Variants in LYPD6 observed in about 807,000 individuals in gnomAD.
LYPD6 encodes ly6/PLAUR domain-containing protein 6.
LYPD6 carries 15 observed loss-of-function variants against 22.7 expected under a neutral mutation model. The observed-to-expected ratio is 0.66, with a 90% CI of 0.44 to 1.02. The LOEUF is 1.02. LYPD6 is among the 50% of genes least tolerant of loss of function. LYPD6 has a pLI of 0.00. For synonymous variants in LYPD6, 72 were observed against 77.5 expected, an observed-to-expected ratio of 0.93 and a Z score of 0.37; for missense variants, 189 against 208.4, an observed-to-expected ratio of 0.91 and a Z score of 0.57.
intron 1 of LYPD6, among the ~76,000 whole-genome samples, chr2:149,418,501 T>C (rs920811870): frequency 6.6e-6 from 1 of 152,218 alleles, no homozygotes; most frequent in African/African-American, 2.4e-5. Flanking sequence ...TTTTGATCTG[T>C]ATTGATAAGA....
chr2:149,432,777 G>A (rs1683346095), intron 1 of LYPD6, among the ~76,000 whole-genome samples: 1 of 152,132 alleles, frequency 6.6e-6, no homozygotes, highest in Non-Finnish European at 1.5e-5. Flanking sequence ...GACACCAGGG[G>A]AGGGCATGGT....
chr2:149,364,856 C>G (rs1559125452), intron 1 of LYPD6, among the ~76,000 whole-genome samples: 1 of 152,150 alleles, frequency 6.6e-6, no homozygotes, highest in Non-Finnish European at 1.5e-5. Context: ...TTCACTTACT[C>G]TGTAGCATCT....
intron 1 of LYPD6, among the ~76,000 whole-genome samples, chr2:149,336,609 T>A (rs1477746373): frequency 1.3e-5 from 2 of 152,196 alleles, no homozygotes; most frequent in African/African-American, 4.8e-5. Context: ...ACCCTCTCTA[T>A]TTGTTCATCT....
intron 2 of LYPD6, among the ~76,000 whole-genome samples, chr2:149,441,520 T>C (rs1558809300): frequency 6.6e-6 from 1 of 152,236 alleles, no homozygotes; most frequent in Non-Finnish European, 1.5e-5. Context: ...TTTTGCTCCC[T>C]GGTTTCCTAA....
At chr2:149,385,771 T>C (rs911205424) in intron 1 of LYPD6, among the ~76,000 whole-genome samples, 2 of 152,088 alleles carry the variant, frequency 1.3e-5, no homozygotes, top group Admixed American at 6.6e-5. Context: ...AAATGCACAT[T>C]TGTCTTTGTG....
rs528922622 is a variant in LYPD6, at chr2:149,469,751, T to A, written c.349-932T>A. On this transcript the variant is annotated intron_variant, in intron 4 of 4. Transcript: ENST00000334166. ...GTGGCCTCTTTACCAAGGAGAAAGT[T>A]AAGGATTAGAGAAATTGGGTCATAT... is the stretch of plus-strand genomic sequence containing the variant. Among the ~76,000 whole-genome samples the A allele has an allele frequency of 6.5e-4, 99 of 152,238 alleles. 1 individual carries two copies. The highest frequency in any genetic ancestry group is 2.3e-3 in the African/African-American group (97 of 41,556).
intron 1 of LYPD6, among the ~76,000 whole-genome samples, chr2:149,433,719 A>G (rs1046975318): frequency 5.3e-5 from 8 of 152,134 alleles, no homozygotes; most frequent in African/African-American, 1.9e-4. Context: ...ATGTAAGACT[A>G]TTCTCCACAG....
chr2:149,399,250 A>T (rs958150884), intron 1 of LYPD6, among the ~76,000 whole-genome samples: 1 of 152,206 alleles, frequency 6.6e-6, no homozygotes, highest in Non-Finnish European at 1.5e-5. Flanking sequence ...TAGTACCTGT[A>T]ACTTTGTCAG....
intron 1 of LYPD6, among the ~76,000 whole-genome samples, chr2:149,402,699 C>A (rs771127107): frequency 6.6e-6 from 1 of 151,996 alleles, no homozygotes; most frequent in Non-Finnish European, 1.5e-5. Context: ...ATTGTCTATT[C>A]ATGTCCTTAG....
intron 1 of LYPD6, among the ~76,000 whole-genome samples, chr2:149,378,711 A>G (rs1681990816): frequency 1.3e-5 from 2 of 152,116 alleles, no homozygotes; most frequent in Admixed American, 1.3e-4. Flanking sequence ...TTCCCCTCCT[A>G]TGACATAGCC....
the LYPD6 span, among the ~76,000 whole-genome samples, chr2:149,480,471 T>C: frequency 6.6e-6 from 1 of 152,234 alleles, no homozygotes; most frequent in South Asian, 2.1e-4. Flanking sequence ...CAAGAACATC[T>C]TCCCTGACAC....
chr2:149,349,192 G>A (rs1681315369), intron 1 of LYPD6, among the ~76,000 whole-genome samples: 1 of 152,162 alleles, frequency 6.6e-6, no homozygotes, highest in African/African-American at 2.4e-5. Context: ...GGCTGAAGAT[G>A]TAATGATGGG....
At chr2:149,364,897 C>A (rs948391823) in intron 1 of LYPD6, among the ~76,000 whole-genome samples, 4 of 152,284 alleles carry the variant, frequency 2.6e-5, no homozygotes, top group African/African-American at 9.6e-5. Flanking sequence ...TAGGTTCAGA[C>A]ATTTTTCAGA....
At chr2:149,342,638 A>G (rs1681184605) in intron 1 of LYPD6, among the ~76,000 whole-genome samples, 1 of 152,210 alleles carries the variant, frequency 6.6e-6, no homozygotes, top group South Asian at 2.1e-4. Context: ...GGGAGGGAAT[A>G]ATGTGCATAG....
chr2:149,356,039 A>G (rs1438798544), intron 1 of LYPD6, among the ~76,000 whole-genome samples: 1 of 152,046 alleles, frequency 6.6e-6, no homozygotes, highest in Non-Finnish European at 1.5e-5. Flanking sequence ...TGCTGGAAGA[A>G]CAGGGCAATA....
At chr2:149,420,888 T>G (rs1346163387) in intron 1 of LYPD6, among the ~76,000 whole-genome samples, 1 of 152,226 alleles carries the variant, frequency 6.6e-6, no homozygotes, top group Non-Finnish European at 1.5e-5. Context: ...TTCTTCCCGC[T>G]GGCAACTTTG....
rs576623876 is a variant in LYPD6, at chr2:149,354,778, A to G, written c.-72+24056A>G. The stretch of plus-strand genomic sequence containing the variant: ...CCGACATGCTTCAAGCTTGAATAGA[A>G]GTTCAAGAATATTAATGACCTGCAA... On this transcript the variant is annotated intron_variant, in intron 1 of 4. Coordinates refer to ENST00000334166, the MANE Select transcript of LYPD6 (RefSeq NM_194317.5). Among the ~76,000 whole-genome samples, 9 of 152,322 alleles carry G rather than the reference A, an allele frequency of 5.9e-5. No homozygotes were observed. In the East Asian group the frequency reaches 1.7e-3, roughly 29 times the overall value.
chr2:149,439,793 A>G (rs1478088882), intron 2 of LYPD6: 1 of 152,214 alleles, frequency 6.6e-6, no homozygotes, highest in Non-Finnish European at 1.5e-5. Context: ...CATATGACCA[A>G]TGTTAATTAA....
intron 1 of LYPD6, among the ~76,000 whole-genome samples, chr2:149,424,176 A>G (rs935789767): frequency 2.6e-5 from 4 of 152,170 alleles, no homozygotes; most frequent in Non-Finnish European, 5.9e-5. Flanking sequence ...AGCAGTTATT[A>G]TGATTACTTC....
Sources: allele counts gnomAD v4.1 joint callset (sites outside exome capture counted in the v4.1 genomes callset), GRCh38; gene constraint gnomAD v4.1.1; transcripts MANE v1.5; gene names NCBI Gene and HGNC (gene_info 2026-07-23, HGNC 2026-07-21).